TRAPPC8: variants seen among roughly 807,000 people sequenced by gnomAD.
TRAPPC8 encodes the protein trafficking protein particle complex subunit 8.
Under a neutral mutation model 174.3 loss-of-function variants are expected in TRAPPC8, and 54 were observed. That is an observed-to-expected ratio of 0.31 (90% CI 0.25 to 0.39). TRAPPC8 has a LOEUF of 0.39. Ranked by LOEUF, TRAPPC8 falls within the 10% of genes least tolerant of loss-of-function variation. TRAPPC8 has a pLI of 1.00. For missense variants in TRAPPC8, 1,531 were observed against 1,699.1 expected (o/e 0.90, Z 1.74); for synonymous variants, 630 against 579.9 (o/e 1.09, Z -1.24).
intron 25 of TRAPPC8, among the ~76,000 whole-genome samples, chr18:31,849,167 A>G (rs1236977650): frequency 6.6e-6 from 1 of 151,904 alleles, no homozygotes; most frequent in Non-Finnish European, 1.5e-5. Flanking sequence ...TAACAATAAA[A>G]GAGAAGAGAA....
At chr18:31,927,050 T>C (rs905717357) in intron 2 of TRAPPC8, among the ~76,000 whole-genome samples, 4 of 152,162 alleles carry the variant, frequency 2.6e-5, no homozygotes, top group Admixed American at 2.6e-4. Context: ...TACAGATCAC[T>C]GTTGTTTTTT....
At chr18:31,836,689 G>A (rs1303302244) in intron 27 of TRAPPC8, among the ~76,000 whole-genome samples, 1 of 151,560 alleles carries the variant, frequency 6.6e-6, no homozygotes, top group East Asian at 1.9e-4. Flanking sequence ...AAATCCAGAT[G>A]CCAACCCCTA....
intron 16 of TRAPPC8, among the ~76,000 whole-genome samples, chr18:31,867,756 G>A (rs141647119): frequency 0.013 from 2,034 of 152,172 alleles, 24 homozygotes; most frequent in Non-Finnish European, 0.019. Flanking sequence ...CCACATGCCT[G>A]TAATCCAAGC....
intron 5 of TRAPPC8, among the ~76,000 whole-genome samples, chr18:31,911,388 T>C (rs1341676845): frequency 6.7e-6 from 1 of 150,234 alleles, no homozygotes; most frequent in Non-Finnish European, 1.5e-5. Context: ...GAGGTGGAGG[T>C]TGCAGTGAGC....
intron 13 of TRAPPC8, chr18:31,874,164 TAA>T: frequency 2.7e-6 from 1 of 376,312 alleles, no homozygotes; most frequent in Admixed American, 4.3e-5. Flanking sequence ...AAACCAACTG[TAA>T]AATCAGTTGT....
At chr18:31,858,057 A>C (rs1598617093) in intron 19 of TRAPPC8, 75 bp from the exon 20 acceptor site, 16 of 1,187,258 alleles carry the variant, frequency 1.3e-5, no homozygotes, top group Middle Eastern at 2.4e-4. Context: ...ACTTTAAGAC[A>C]CTTTTTTTTT....
intron 27 of TRAPPC8, among the ~76,000 whole-genome samples, chr18:31,833,673 A>C (rs1371478604): frequency 6.6e-6 from 1 of 152,134 alleles, no homozygotes. Context: ...CTACTCTCAG[A>C]GATTCTGATT....
intron 27 of TRAPPC8, 138 bp downstream of exon 27, chr18:31,839,174 T>G (rs563381010): frequency 8.2e-6 from 6 of 728,578 alleles, no homozygotes; most frequent in African/African-American, 7.2e-5. Context: ...AACTGTTTAG[T>G]TCAAGTATTC....
chr18:31,922,521 G>A (rs2037434546), intron 2 of TRAPPC8, among the ~76,000 whole-genome samples: 1 of 152,078 alleles, frequency 6.6e-6, no homozygotes, highest in African/African-American at 2.4e-5. Flanking sequence ...AACCCAGGAG[G>A]TCAAAGCTGC....
At chr18:31,854,965 C>CAAA (rs71175798) in intron 21 of TRAPPC8, among the ~76,000 whole-genome samples, 3,092 of 45,396 alleles carry the variant, frequency 0.068, 177 homozygotes, top group Non-Finnish European at 0.083. Context: ...GACTCCATCT[C>CAAA]AAAAAAAAAA....
At chr18:31,889,201 G>A (rs941599245) in intron 12 of TRAPPC8, among the ~76,000 whole-genome samples, 1 of 152,146 alleles carries the variant, frequency 6.6e-6, no homozygotes, top group Non-Finnish European at 1.5e-5. Context: ...TAACTTCACA[G>A]GGTTATATAC....
At chr18:31,928,682 T>C (rs2037728642) in intron 2 of TRAPPC8, among the ~76,000 whole-genome samples, 1 of 152,186 alleles carries the variant, frequency 6.6e-6, no homozygotes, top group African/African-American at 2.4e-5. Context: ...TATTAACGTA[T>C]TATAAATTAG....
At chr18:31,877,237 G>C (rs765408673) in intron 12 of TRAPPC8, among the ~76,000 whole-genome samples, 1 of 152,194 alleles carries the variant, frequency 6.6e-6, no homozygotes, top group South Asian at 2.1e-4. Flanking sequence ...GAACACAGGA[G>C]AGGTTCTCCC....
At chr18:31,939,123 C>G (rs574906169) in intron 1 of TRAPPC8, among the ~76,000 whole-genome samples, 36 of 142,534 alleles carry the variant, frequency 2.5e-4, no homozygotes, top group African/African-American at 9.1e-4. Flanking sequence ...TGAAGAATCC[C>G]CACACTTGAA....
chr18:31,887,901 A>C (rs1488064268), intron 12 of TRAPPC8, among the ~76,000 whole-genome samples: 1 of 152,180 alleles, frequency 6.6e-6, no homozygotes, highest in Non-Finnish European at 1.5e-5. Flanking sequence ...GAAGAGAGGA[A>C]GTCAAATTGT....
Position 31,911,676 on chromosome 18 carries a change from TTGCAGTGAGCCGAGATCA to T in TRAPPC8, c.771+1675_771+1692del, listed in dbSNP as rs377562758. Among the ~76,000 whole-genome samples the T allele has an allele frequency of 5.2e-4, 76 of 147,518 alleles. No individual in the cohort carries two copies. The South Asian group carries it at 0.012, about 23-fold the overall frequency. ...ATAATTTGAATCCAGGAGGCAGCTG[TTGCAGTGAGCCGAGATCA>T]TGCAGTGAGCCGAGATCATGCCACT... is the stretch of plus-strand genomic sequence containing the variant. On this transcript the variant is annotated intron_variant, in intron 5 of 28. Coordinates refer to ENST00000283351, the MANE Select transcript of TRAPPC8 (RefSeq NM_014939.5).
intron 2 of TRAPPC8, among the ~76,000 whole-genome samples, chr18:31,928,625 T>C (rs1363542997): frequency 6.6e-6 from 1 of 152,220 alleles, no homozygotes; most frequent in African/African-American, 2.4e-5. Context: ...CCTTTAGCAC[T>C]TTTGGCATAC....
intron 13 of TRAPPC8, chr18:31,873,892 GTAGT>G (rs1441038567): frequency 1.9e-4 from 35 of 187,818 alleles, no homozygotes; most frequent in Admixed American, 2.8e-4. Context: ...GACCCTAAAG[GTAGT>G]TATTTTCTGC....
chr18:31,875,857 A>G (rs1461403815), intron 12 of TRAPPC8, among the ~76,000 whole-genome samples: 1 of 152,208 alleles, frequency 6.6e-6, no homozygotes, highest in Non-Finnish European at 1.5e-5. Flanking sequence ...TGTGGGAGCT[A>G]AAACAGTGGA....
Sources: gnomAD v4.1 joint callset for allele counts (sites outside exome capture counted in the v4.1 genomes callset) on GRCh38, gnomAD v4.1.1 for gene constraint, MANE v1.5 for transcripts, NCBI Gene and HGNC (gene_info 2026-07-23, HGNC 2026-07-21) for gene names.